Variants in STK33 observed in about 807,000 individuals in gnomAD.
STK33 encodes serine/threonine-protein kinase 33.
Under a neutral mutation model 58.0 loss-of-function variants are expected in STK33, and 52 were observed. That is an observed-to-expected ratio of 0.90 (90% CI 0.72 to 1.13). STK33 has a LOEUF of 1.13. Among genes scored for constraint, STK33 ranks in the 50% most tolerant of loss-of-function variants. The pLI is 0.00. For synonymous variants in STK33, 215 were observed against 200.1 expected (o/e 1.07, Z -0.63); for missense variants, 630 against 604.2 (o/e 1.04, Z -0.45).
the STK33 span, among the ~76,000 whole-genome samples, chr11:8,337,989 C>A: frequency 6.6e-6 from 1 of 152,172 alleles, no homozygotes; most frequent in Admixed American, 6.5e-5. Flanking sequence ...TCTTTCTGCA[C>A]CTCACTCATC....
intron 1 of STK33, among the ~76,000 whole-genome samples, chr11:8,586,931 G>A (rs1380735104): frequency 6.6e-6 from 1 of 151,378 alleles, no homozygotes; most frequent in African/African-American, 2.4e-5. Context: ...CAAAAACCTA[G>A]CATAGTATCT....
rs146828395 is a variant in STK33 at position 8,477,139 on chromosome 11, T to TACACACACACACACAC, written c.-227+95_-227+110dup. On this transcript the variant is annotated intron_variant, in intron 3 of 15. Transcript: ENST00000687296. ...AGAATGCAACTGATGCCACTCAAAATACACACACACACACACACACACACA... is the reference window on the plus strand; with the variant it reads ...AGAATGCAACTGATGCCACTCAAAATACACACACACACACACACACACACACACACACACACACACA... 2.6e-4 allele frequency: 37 copies of TACACACACACACACAC among 141,230 alleles called. 1 individual carries two copies. Among genetic ancestry groups the TACACACACACACACAC allele is most frequent in the African/African-American group, 7.9e-4 (30 of 37,884 alleles). 8.7% of individuals were successfully genotyped at this position (141,230 alleles called of 1,614,324 possible).
intron 1 of STK33, among the ~76,000 whole-genome samples, chr11:8,486,445 T>C (rs1014666003): frequency 6.6e-6 from 1 of 152,242 alleles, no homozygotes; most frequent in Non-Finnish European, 1.5e-5. Flanking sequence ...ATCTGTATAA[T>C]TCCTACTCTT....
intron 15 of STK33, among the ~76,000 whole-genome samples, chr11:8,403,331 T>C (rs1938464995): frequency 6.6e-6 from 1 of 152,182 alleles, no homozygotes; most frequent in Admixed American, 6.5e-5. Context: ...TGCAACCAGC[T>C]TGAACAGATA....
chr11:8,406,083 C>T (rs1291292759), intron 15 of STK33, among the ~76,000 whole-genome samples: 1 of 139,862 alleles, frequency 7.1e-6, no homozygotes, highest in East Asian at 2.2e-4. Flanking sequence ...GCGGAGCTTG[C>T]AGTGAGCCGA....
intron 1 of STK33, among the ~76,000 whole-genome samples, chr11:8,548,577 T>A (rs1208218871): frequency 6.6e-6 from 1 of 152,236 alleles, no homozygotes; most frequent in East Asian, 1.9e-4. Flanking sequence ...CTCACAATTC[T>A]TTTGACTATT....
At chr11:8,374,940 A>G in the STK33 span, among the ~76,000 whole-genome samples, 2 of 152,168 alleles carry the variant, frequency 1.3e-5, no homozygotes, top group Non-Finnish European at 2.9e-5. Context: ...GGACCCACCA[A>G]GGGATATTTG....
chr11:8,431,483 C>A (rs1394138024), intron 14 of STK33, among the ~76,000 whole-genome samples: 1 of 152,182 alleles, frequency 6.6e-6, no homozygotes, highest in Non-Finnish European at 1.5e-5. Context: ...TTAGTCCCTA[C>A]ACCTTGATTA....
intron 1 of STK33, among the ~76,000 whole-genome samples, chr11:8,537,786 G>T (rs1187379203): frequency 2.7e-5 from 4 of 149,466 alleles, no homozygotes; most frequent in Non-Finnish European, 5.9e-5. Flanking sequence ...CTCCAGCCTG[G>T]GGAACAGAGC....
chr11:8,483,736 A>G (rs1950009634), intron 1 of STK33, among the ~76,000 whole-genome samples: 1 of 152,214 alleles, frequency 6.6e-6, no homozygotes, highest in Non-Finnish European at 1.5e-5. Flanking sequence ...CCGAACGAAC[A>G]TATTAAAATT....
intron 1 of STK33, among the ~76,000 whole-genome samples, chr11:8,572,925 G>A (rs1006709156): frequency 2.6e-5 from 4 of 152,046 alleles, no homozygotes; most frequent in African/African-American, 9.7e-5. Context: ...TCAATGACCT[G>A]TGAGAGAGTA....
At chr11:8,367,636 G>A in the STK33 span, among the ~76,000 whole-genome samples, 2 of 152,182 alleles carry the variant, frequency 1.3e-5, no homozygotes, top group South Asian at 2.1e-4. Flanking sequence ...CACAATGATT[G>A]TTCTGAGTGT....
intron 1 of STK33, among the ~76,000 whole-genome samples, chr11:8,485,952 C>A (rs190737587): frequency 2.8e-4 from 43 of 152,300 alleles, no homozygotes; most frequent in African/African-American, 9.6e-4. Context: ...CCCTCAGTCT[C>A]CACATTCAAC....
chr11:8,468,809 C>T (rs1281383224), intron 6 of STK33, among the ~76,000 whole-genome samples: 1 of 151,950 alleles, frequency 6.6e-6, no homozygotes, highest in East Asian at 1.9e-4. Flanking sequence ...ACAGAGATAC[C>T]TCAGAGATAT....
chr11:8,481,229 T>A (rs1949771436), intron 1 of STK33, among the ~76,000 whole-genome samples: 1 of 152,198 alleles, frequency 6.6e-6, no homozygotes, highest in African/African-American at 2.4e-5. Context: ...TAGCCAGACC[T>A]CTGCAAACTT....
At chr11:8,548,401 G>A (rs1446563140) in intron 1 of STK33, among the ~76,000 whole-genome samples, 1 of 152,122 alleles carries the variant, frequency 6.6e-6, no homozygotes, top group African/African-American at 2.4e-5. Context: ...AGGCTTTGTT[G>A]AAAATAAATT....
At chr11:8,531,275 T>G (rs1157574702) in intron 1 of STK33, among the ~76,000 whole-genome samples, 1 of 152,106 alleles carries the variant, frequency 6.6e-6, no homozygotes, top group Admixed American at 6.5e-5. Context: ...TAAATACAGG[T>G]AAGAAAGATA....
intron 5 of STK33, among the ~76,000 whole-genome samples, chr11:8,474,265 A>G (rs1311123335): frequency 6.6e-6 from 1 of 152,198 alleles, no homozygotes. Context: ...TTTGTAAAGT[A>G]TAGTTGATAT....
At chr11:8,482,343 C>A (rs1169326054) in intron 1 of STK33, among the ~76,000 whole-genome samples, 1 of 152,130 alleles carries the variant, frequency 6.6e-6, no homozygotes, top group Admixed American at 6.6e-5. Flanking sequence ...ATCTAGAGGG[C>A]AGTTAGGAGT....
Sources: gnomAD v4.1 joint callset for allele counts (sites outside exome capture counted in the v4.1 genomes callset) on GRCh38, gnomAD v4.1.1 for gene constraint, MANE v1.5 for transcripts, NCBI Gene and HGNC (gene_info 2026-07-23, HGNC 2026-07-21) for gene names.